The following SGCZ variants were observed in gnomAD, a reference collection of about 807,000 sequenced individuals.
SGCZ encodes sarcoglycan zeta, also known as zeta-sarcoglycan.
A neutral mutation model predicts 41.3 loss-of-function variants in SGCZ; 40 were observed. That is an observed-to-expected ratio of 0.97 (90% confidence interval 0.75 to 1.26). The LOEUF (loss-of-function observed/expected upper bound fraction) is 1.26. Among genes scored for constraint, SGCZ ranks in the 50% most tolerant of loss-of-function variants. SGCZ has a pLI of 0.00. For missense variants in SGCZ, 552 were observed against 369.8 expected (o/e 1.49, Z -4.04); for synonymous variants, 206 against 137.5 (o/e 1.50, Z -3.49).
At chr8:14,094,634 C>A (rs944587908) in intron 7 of SGCZ, among the ~76,000 whole-genome samples, 1 of 152,088 alleles carries the variant, frequency 6.6e-6, no homozygotes, top group Non-Finnish European at 1.5e-5. Context: ...GATTTATAAT[C>A]TTTTGGGTAT....
rs114647658 is a variant in SGCZ, at chr8:14,296,277, A to G, written c.336+27826T>C. On this transcript the variant is annotated intron_variant, in intron 3 of 7. Coordinates refer to ENST00000382080, the MANE Select transcript of SGCZ (RefSeq NM_139167.4). Reference sequence around the variant, plus strand: ...ACTCTGAATGTATGGAAAACAATAAAAACTACTACACATGGAGAGAAGCAG... The same window carrying G: ...ACTCTGAATGTATGGAAAACAATAAGAACTACTACACATGGAGAGAAGCAG... Among the ~76,000 whole-genome samples, 1,053 of 152,290 alleles carry G rather than the reference A, an allele frequency of 6.9e-3. 13 individuals are homozygous for G. Among genetic ancestry groups the G allele is most frequent in the African/African-American group, 0.024 (997 of 41,562 alleles).
intron 2 of SGCZ, among the ~76,000 whole-genome samples, chr8:14,335,461 A>G (rs1802475402): frequency 6.6e-6 from 1 of 152,058 alleles, no homozygotes; most frequent in African/African-American, 2.4e-5. Context: ...GATGCTGGTA[A>G]TCACCCATTT....
At chr8:14,317,307 C>A (rs916586767) in intron 3 of SGCZ, among the ~76,000 whole-genome samples, 2 of 152,022 alleles carry the variant, frequency 1.3e-5, no homozygotes, top group African/African-American at 4.8e-5. Context: ...CTACTATGAA[C>A]TTCATCTTGC....
chr8:14,524,418 G>A (rs186334144), intron 2 of SGCZ, among the ~76,000 whole-genome samples: 1 of 151,970 alleles, frequency 6.6e-6, no homozygotes, highest in Non-Finnish European at 1.5e-5. Flanking sequence ...GAGAAGGTTT[G>A]AAGTTCTTGG....
intron 7 of SGCZ, among the ~76,000 whole-genome samples, chr8:14,099,267 C>T (rs1336668532): frequency 2.0e-5 from 3 of 152,148 alleles, no homozygotes; most frequent in East Asian, 1.9e-4. Flanking sequence ...TGATATGGCT[C>T]TTCAATATTG....
intron 5 of SGCZ, among the ~76,000 whole-genome samples, chr8:14,119,876 G>A (rs1025805857): frequency 1.4e-4 from 22 of 152,208 alleles, no homozygotes; most frequent in East Asian, 3.9e-4. Flanking sequence ...ATTGATTTCC[G>A]TATGTTGAAC....
At chr8:14,648,642 T>G (rs183032986) in intron 1 of SGCZ, among the ~76,000 whole-genome samples, 1 of 152,096 alleles carries the variant, frequency 6.6e-6, no homozygotes, top group Non-Finnish European at 1.5e-5. Flanking sequence ...TCTTTAAATT[T>G]CTCTGATAAT....
chr8:14,996,618 C>T (rs935278561), intron 1 of SGCZ, among the ~76,000 whole-genome samples: 4 of 152,140 alleles, frequency 2.6e-5, no homozygotes, highest in African/African-American at 7.2e-5. Context: ...GAATTCAGAA[C>T]TGACTCTACA....
At chr8:14,943,514 T>C (rs1183639698) in intron 1 of SGCZ, among the ~76,000 whole-genome samples, 2 of 152,178 alleles carry the variant, frequency 1.3e-5, no homozygotes, top group South Asian at 2.1e-4. Flanking sequence ...AGGTGTCTCA[T>C]AGCCTCTTTC....
chr8:14,382,510 A>C (rs1804406177), intron 2 of SGCZ, among the ~76,000 whole-genome samples: 1 of 152,182 alleles, frequency 6.6e-6, no homozygotes, highest in African/African-American at 2.4e-5. Context: ...TATATGAGTC[A>C]GCAACTCCCT....
intron 4 of SGCZ, among the ~76,000 whole-genome samples, chr8:14,181,011 T>A (rs1052871456): frequency 6.6e-6 from 1 of 152,162 alleles, no homozygotes; most frequent in African/African-American, 2.4e-5. Flanking sequence ...ATAGAGTCGA[T>A]ACCGTTTGCA....
intron 1 of SGCZ, among the ~76,000 whole-genome samples, chr8:15,031,330 G>C (rs768847751): frequency 3.9e-5 from 6 of 152,172 alleles, no homozygotes; most frequent in Non-Finnish European, 8.8e-5. Flanking sequence ...TTGAGGTAAA[G>C]AGTGGTGTAT....
intron 1 of SGCZ, among the ~76,000 whole-genome samples, chr8:14,771,479 T>C (rs936541472): frequency 6.6e-6 from 1 of 152,166 alleles, no homozygotes; most frequent in Non-Finnish European, 1.5e-5. Context: ...TTTACTTGAA[T>C]TACCATATCA....
At chr8:14,954,061 A>T (rs2130840687) in intron 1 of SGCZ, among the ~76,000 whole-genome samples, 1 of 152,354 alleles carries the variant, frequency 6.6e-6, no homozygotes, top group Middle Eastern at 3.4e-3. Flanking sequence ...CTTCTGAAGT[A>T]TGCTCTTGAA....
rs190575532 is a variant in SGCZ at position 14,130,161 on chromosome 8, A to C, written c.548-21926T>G. 6.3e-3 allele frequency among the ~76,000 whole-genome samples: 961 copies of C among 152,336 alleles called. 7 individuals carry two copies. The highest frequency in any genetic ancestry group is 0.022 in the African/African-American group (912 of 41,590). On this transcript the variant is annotated intron_variant, in intron 5 of 7. Transcript: ENST00000382080. Reference sequence around the variant, plus strand: ...GGCCAATAGAATAAAATTGAAATTAAAAAGAAACTCACAAATATATGGCCA... The same window carrying C: ...GGCCAATAGAATAAAATTGAAATTACAAAGAAACTCACAAATATATGGCCA...
chr8:15,180,188 A>T (rs1800126083), intron 1 of SGCZ, among the ~76,000 whole-genome samples: 1 of 152,182 alleles, frequency 6.6e-6, no homozygotes, highest in Non-Finnish European at 1.5e-5. Flanking sequence ...AACTAATATC[A>T]TGATGTCACT....
rs190386136 is a variant in SGCZ at position 14,123,590 on chromosome 8, G to C, written c.548-15355C>G. On this transcript the variant is annotated intron_variant, in intron 5 of 7. Transcript: ENST00000382080. The stretch of plus-strand genomic sequence containing the variant: ...CCTATATACTCCATCTTCTGAATGA[G>C]TTATTTCTCTGTAGCAATGCAAAAA... Among the ~76,000 whole-genome samples, 22 of 152,202 alleles carry C rather than the reference G, an allele frequency of 1.4e-4. No homozygotes were observed. In the East Asian group the frequency reaches 3.9e-3, roughly 27 times the overall value.
intron 1 of SGCZ, among the ~76,000 whole-genome samples, chr8:15,194,185 TCACACACACACACACACACACA>T (rs34127082): frequency 1.4e-5 from 2 of 139,568 alleles, no homozygotes; most frequent in South Asian, 4.9e-4. Flanking sequence ...CCACCTCTAA[TCACACACACACACACACACACA>T]CACACACACA....
chr8:14,785,193 A>C (rs1800731244), intron 1 of SGCZ, among the ~76,000 whole-genome samples: 1 of 151,422 alleles, frequency 6.6e-6, no homozygotes, highest in Admixed American at 6.6e-5. Flanking sequence ...CTATCTGGAA[A>C]TTGTTATAAA....
Sources: gnomAD v4.1 joint callset for allele counts (sites outside exome capture counted in the v4.1 genomes callset) on GRCh38, gnomAD v4.1.1 for gene constraint, MANE v1.5 for transcripts, NCBI Gene and HGNC (gene_info 2026-07-23, HGNC 2026-07-21) for gene names.